The following ANKRD36B variants were observed in gnomAD, a reference collection of about 807,000 sequenced individuals.
ANKRD36B encodes the protein ankyrin repeat domain 36B.
Under a neutral mutation model 135.7 loss-of-function variants are expected in ANKRD36B, and 37 were observed. The observed-to-expected ratio is 0.27, with a 90% CI of 0.21 to 0.36. The LOEUF is 0.36. ANKRD36B is among the 10% of genes least tolerant of loss of function. The pLI, the probability that ANKRD36B is intolerant of heterozygous loss-of-function variation, is 1.00. For missense variants in ANKRD36B, 549 were observed against 1,037.1 expected, an observed-to-expected ratio of 0.53 and a Z score of 6.46; for synonymous variants, 179 against 348.1, an observed-to-expected ratio of 0.51 and a Z score of 5.41.
At chr2:97,570,541 G>A (rs1312330365) in intron 6 of ANKRD36B, among the ~76,000 whole-genome samples, 1 of 152,182 alleles carries the variant, frequency 6.6e-6, no homozygotes, top group Non-Finnish European at 1.5e-5. Flanking sequence ...GAGACAGCAT[G>A]CCTATGTAAC....
At chr2:97,509,020 A>G (rs1210531250) in intron 40 of ANKRD36B, among the ~76,000 whole-genome samples, 1 of 103,854 alleles carries the variant, frequency 9.6e-6, no homozygotes, top group Admixed American at 8.9e-5. Flanking sequence ...AGCCCAATAC[A>G]AAGGAAGTAA....
At chr2:97,557,212 A>C in intron 10 of ANKRD36B, 80 bp from the exon 11 acceptor site, 1 of 1,499,958 alleles carries the variant, frequency 6.7e-7, no homozygotes, top group South Asian at 1.3e-5. Context: ...TGTTAGCATC[A>C]AGCTGTATCC....
At chr2:97,534,480 T>A (rs2078760747) in intron 34 of ANKRD36B, among the ~76,000 whole-genome samples, 1 of 96,568 alleles carries the variant, frequency 1.0e-5, no homozygotes, top group Admixed American at 9.2e-5. Flanking sequence ...AAATTTGTGT[T>A]CCTTTCCCTC....
chr2:97,570,273 T>C (rs2081753291), intron 6 of ANKRD36B, among the ~76,000 whole-genome samples: 2 of 152,186 alleles, frequency 1.3e-5, no homozygotes, highest in African/African-American at 4.8e-5. Flanking sequence ...AATAGAATTT[T>C]TAAGACACCT....
At chr2:97,567,389 G>C (rs1387616763) in intron 6 of ANKRD36B, among the ~76,000 whole-genome samples, 1 of 151,026 alleles carries the variant, frequency 6.6e-6, no homozygotes, top group Non-Finnish European at 1.5e-5. Flanking sequence ...CAGGAGGTGA[G>C]GGGTGGGGCT....
intron 6 of ANKRD36B, among the ~76,000 whole-genome samples, chr2:97,569,981 T>C (rs2081730552): frequency 6.6e-6 from 1 of 152,104 alleles, no homozygotes; most frequent in Non-Finnish European, 1.5e-5. Context: ...AAAACAAAAC[T>C]GAACCATCTA....
rs1559126127 is a variant in ANKRD36B at position 97,531,100 on chromosome 2, T to C, written c.2265+1211A>G. ...TAAATCATGCTGCTATAAAGACACA[T>C]GCACACGTATGTTTATTGTGGCACT... On this transcript the variant is annotated intron_variant, in intron 35 of 43. Coordinates refer to ENST00000359901, the MANE Select transcript of ANKRD36B (RefSeq NM_001393939.1). Among the ~76,000 whole-genome samples, 3 of 93,280 alleles carry C rather than the reference T, an allele frequency of 3.2e-5. 1 individual carries two copies. Among genetic ancestry groups the C allele is most frequent in the Non-Finnish European group, 8.5e-5 (3 of 35,226 alleles). 61.2% of individuals were successfully genotyped at this position (93,280 alleles called of 152,430 possible). A position where few individuals can be genotyped will look rare whatever the true frequency, so the allele number is the denominator to read the frequency against.
chr2:97,573,114 C>G (rs2081994294), intron 6 of ANKRD36B, among the ~76,000 whole-genome samples: 1 of 151,932 alleles, frequency 6.6e-6, no homozygotes, highest in Non-Finnish European at 1.5e-5. Context: ...CTTCCTGTGT[C>G]CATGTGTTCT....
rs1576918828 is a variant in ANKRD36B at position 97,547,433 on chromosome 2, T to A, written c.1579+103A>T. On this transcript the variant is annotated intron_variant, in intron 22 of 43. Coordinates refer to ENST00000359901, the MANE Select transcript of ANKRD36B (RefSeq NM_001393939.1). ...AATGAAGAATCTCAGGACTGCTGAA[T>A]CAGAATGTGCAGCTTCAACGAGCCC... is the stretch of plus-strand genomic sequence containing the variant. 2.5e-6 allele frequency: 3 copies of A among 1,208,808 alleles called. No homozygotes were observed. In the African/African-American group the frequency reaches 4.6e-5, roughly 18 times the overall value. 74.9% of individuals were successfully genotyped at this position (1,208,808 alleles called of 1,614,324 possible).
chr2:97,540,078 G>A lies in ANKRD36B; in HGVS notation c.1943C>T (p.Ser648Leu), dbSNP rs1002835040. ...ATCCTTTATTTCTCTGGCTATATTC[G>A]AAACAGAATCTTTCTCATCACCTGT... ...KTTGDEKDSV[S>L]NIAREIKDGE... is the part of the protein sequence containing the mutation. The change falls in exon 30 of 44, where the codon TCG becomes TTG. Residue 648 changes from serine (S) to leucine (L), a missense_variant. Physicochemically the swap from Ser to Leu is moderately radical, Grantham distance 145. Transcript: ENST00000359901. The A allele has an allele frequency of 5.3e-6, 5 of 940,142 alleles. 2 individuals are homozygous for A. The highest frequency in any genetic ancestry group is 1.7e-5 in the African/African-American group (1 of 58,604). The allele number at this position is 940,142 out of a possible 1,614,324, so 58.2% of individuals were successfully genotyped here. A position where few individuals can be genotyped will look rare whatever the true frequency, so the allele number is the denominator to read the frequency against.
Position 97,580,486 on chromosome 2 carries a change from A to G in ANKRD36B, c.533T>C (p.Val178Ala). ...VEFLLKKKAN[V>A]NAIDYLGRSA... is the part of the protein sequence containing the mutation. ...CCTGCCAAGATAATCAATGGCATTTACATTTGCTTTTTTCTTTAATAAAAA... is the reference window on the plus strand; with the variant it reads ...CCTGCCAAGATAATCAATGGCATTTGCATTTGCTTTTTTCTTTAATAAAAA... Residue 178 changes from valine (V) to alanine (A), a missense_variant, in exon 4 of 44, where the codon GTA becomes GCA. Coordinates refer to ENST00000359901, the MANE Select transcript of ANKRD36B (RefSeq NM_001393939.1). 1 of 1,547,936 alleles carries G rather than the reference A, an allele frequency of 6.5e-7. No individual in the cohort carries two copies. Among genetic ancestry groups the G allele is most frequent in the Non-Finnish European group, 8.7e-7 (1 of 1,144,436 alleles).
chr2:97,574,761 A>G (rs2082116937), intron 6 of ANKRD36B, among the ~76,000 whole-genome samples: 1 of 152,108 alleles, frequency 6.6e-6, no homozygotes, highest in Admixed American at 6.6e-5. Context: ...ATTTCAGTAC[A>G]AACTAAGTAT....
chr2:97,549,294 G>A (rs1393145209), intron 20 of ANKRD36B, 125 bp downstream of exon 20: 2 of 1,246,262 alleles, frequency 1.6e-6, no homozygotes, highest in African/African-American at 2.9e-5. Flanking sequence ...TACTACAAAT[G>A]AAGAATCTCT....
chr2:97,560,149 A>C (rs2034403), intron 8 of ANKRD36B, among the ~76,000 whole-genome samples: 100,840 of 151,454 alleles, frequency 0.67, 34,680 homozygotes, highest in Non-Finnish European at 0.75. Flanking sequence ...TCAGCAGAAA[A>C]CCCAAAATTA....
Position 97,551,364 on chromosome 2 carries a change from G to C in ANKRD36B, c.1303-3C>G, listed in dbSNP as rs1258400167. ...GAATCTTTCTCATCACTTGTGGCCT[G>C]AATGGAATTTGAAACAAAATAATAA... On this transcript the variant is annotated splice_region_variant and splice_polypyrimidine_tract_variant and intron_variant, in intron 17 of 43. Coordinates refer to ENST00000359901, the MANE Select transcript of ANKRD36B (RefSeq NM_001393939.1). 6.3e-7 allele frequency: 1 copy of C among 1,598,396 alleles called. No homozygotes were observed. Among genetic ancestry groups the C allele is most frequent in the South Asian group, 1.1e-5 (1 of 90,144 alleles).
At chr2:97,551,825 A>G (rs2080095733) in intron 16 of ANKRD36B, among the ~76,000 whole-genome samples, 1 of 152,002 alleles carries the variant, frequency 6.6e-6, no homozygotes, top group Admixed American at 6.6e-5. Flanking sequence ...TGAATGTCAA[A>G]GCAGGTGCTA....
Position 97,551,375 on chromosome 2 carries a change from G to T in ANKRD36B, c.1303-14C>A. On this transcript the variant is annotated splice_polypyrimidine_tract_variant and intron_variant, in intron 17 of 43. Transcript: ENST00000359901. ...ATCACTTGTGGCCTGAATGGAATTTGAAACAAAATAATAAATAAGGTATGT... is the reference window on the plus strand; with the variant it reads ...ATCACTTGTGGCCTGAATGGAATTTTAAACAAAATAATAAATAAGGTATGT... 6.2e-7 allele frequency: 1 copy of T among 1,600,832 alleles called. No homozygotes were observed. The highest frequency in any genetic ancestry group is 1.1e-5 in the South Asian group (1 of 90,430).
intron 10 of ANKRD36B, among the ~76,000 whole-genome samples, chr2:97,558,172 C>T (rs544220723): frequency 6.6e-5 from 10 of 152,066 alleles, no homozygotes. Context: ...AGTAATGAGT[C>T]ACTGTGGTTT....
chr2:97,536,762 A>G (rs865892918), intron 32 of ANKRD36B, among the ~76,000 whole-genome samples: 8 of 96,678 alleles, frequency 8.3e-5, no homozygotes, highest in Non-Finnish European at 1.4e-4. Flanking sequence ...ATCAATGTGG[A>G]TATACTGATT....
Sources: gnomAD v4.1 joint callset for allele counts (sites outside exome capture counted in the v4.1 genomes callset) on GRCh38, gnomAD v4.1.1 for gene constraint, MANE v1.5 for transcripts, NCBI Gene and HGNC (gene_info 2026-07-23, HGNC 2026-07-21) for gene names.